The following CRIM1 variants were observed in gnomAD, a reference collection of about 807,000 sequenced individuals.
CRIM1 encodes cysteine-rich motor neuron 1 protein.
Under a neutral mutation model 116.4 loss-of-function variants are expected in CRIM1, and 32 were observed. The ratio of observed to expected loss-of-function variants is 0.27; its 90% confidence interval spans 0.21 to 0.37. The LOEUF is 0.37. Among genes scored for constraint, CRIM1 ranks in the 10% least tolerant of loss-of-function variants. CRIM1 has a pLI of 1.00. For synonymous variants in CRIM1, 590 were observed against 509.2 expected, an observed-to-expected ratio of 1.16 and a Z score of -2.13; for missense variants, 1,331 against 1,354.8, an observed-to-expected ratio of 0.98 and a Z score of 0.28.
chr2:36,479,152 C>G (rs746653657), intron 6 of CRIM1, among the ~76,000 whole-genome samples: 3 of 152,224 alleles, frequency 2.0e-5, no homozygotes, highest in Non-Finnish European at 2.9e-5. Context: ...ACTGCGAAGA[C>G]ATTGTCAGAG....
intron 1 of CRIM1, among the ~76,000 whole-genome samples, chr2:36,366,410 GA>G (rs147527027): frequency 1.3e-5 from 2 of 149,898 alleles, no homozygotes; most frequent in Non-Finnish European, 1.5e-5. Flanking sequence ...GAATATTTAA[GA>G]AAAAAAAATA....
rs200655489 is a variant in CRIM1 at position 36,374,287 on chromosome 2, A to G, written c.331+17664A>G. ...CCCTCTTTGTAGTTTTATTTCTTCA[A>G]TGTATTCCCCATCACTAGCTGTGTG... On this transcript the variant is annotated intron_variant, in intron 1 of 16. Coordinates refer to ENST00000280527, the MANE Select transcript of CRIM1 (RefSeq NM_016441.3). 5.8e-4 allele frequency among the ~76,000 whole-genome samples: 89 copies of G among 152,314 alleles called. 1 individual carries two copies. Among genetic ancestry groups the G allele is most frequent in the Admixed American group, 4.8e-3 (74 of 15,286 alleles).
intron 2 of CRIM1, among the ~76,000 whole-genome samples, chr2:36,399,438 T>C (rs749805696): frequency 6.6e-6 from 1 of 152,122 alleles, no homozygotes; most frequent in Non-Finnish European, 1.5e-5. Flanking sequence ...GAGATGGATA[T>C]GCACCATTTT....
At chr2:36,359,740 T>C (rs1463900262) in intron 1 of CRIM1, among the ~76,000 whole-genome samples, 1 of 152,208 alleles carries the variant, frequency 6.6e-6, no homozygotes, top group Non-Finnish European at 1.5e-5. Context: ...ATTCCTTTTG[T>C]GGTGGGGGCT....
At chr2:36,501,494 G>A (rs535294488) in intron 8 of CRIM1, among the ~76,000 whole-genome samples, 1 of 152,162 alleles carries the variant, frequency 6.6e-6, no homozygotes, top group East Asian at 1.9e-4. Flanking sequence ...TAAGGTGGAT[G>A]GATTGCTTGA....
intron 4 of CRIM1, among the ~76,000 whole-genome samples, chr2:36,460,345 G>A (rs1196627850): frequency 6.6e-6 from 1 of 152,194 alleles, no homozygotes; most frequent in Admixed American, 6.5e-5. Context: ...AGTCCATAGA[G>A]ACAGAACATA....
At chr2:36,401,919 G>A (rs1473063990) in intron 2 of CRIM1, among the ~76,000 whole-genome samples, 2 of 152,126 alleles carry the variant, frequency 1.3e-5, no homozygotes, top group African/African-American at 2.4e-5. Context: ...TCCAAAGGGG[G>A]ACTTGGACTG....
chr2:36,423,237 A>G, intron 2 of CRIM1, among the ~76,000 whole-genome samples: 1 of 152,208 alleles, frequency 6.6e-6, no homozygotes, highest in East Asian at 1.9e-4. Context: ...GTAGTCCTAT[A>G]CTGGGGATCC....
chr2:36,385,272 C>A (rs368991786), intron 1 of CRIM1, among the ~76,000 whole-genome samples: 1 of 152,174 alleles, frequency 6.6e-6, no homozygotes. Context: ...AGGTAAAGTG[C>A]ATAGGAGTGC....
intron 13 of CRIM1, among the ~76,000 whole-genome samples, chr2:36,527,591 T>C (rs2125142546): frequency 6.6e-6 from 1 of 152,326 alleles, no homozygotes; most frequent in Admixed American, 6.5e-5. Context: ...ATACCTTATA[T>C]CAAGTCAATA....
chr2:36,533,440 A>AAAAC (rs1666257486), intron 13 of CRIM1, among the ~76,000 whole-genome samples: 2 of 151,862 alleles, frequency 1.3e-5, no homozygotes, highest in South Asian at 4.2e-4. Flanking sequence ...AAAAAAAAAA[A>AAAAC]AAACCCTAAA....
intron 13 of CRIM1, among the ~76,000 whole-genome samples, chr2:36,524,260 T>C (rs1202965439): frequency 1.3e-5 from 2 of 152,280 alleles, no homozygotes; most frequent in South Asian, 4.1e-4. Flanking sequence ...GCGAAAAATG[T>C]ATCAAGGCAT....
At chr2:36,538,542 A>G (rs1028569861) in intron 14 of CRIM1, among the ~76,000 whole-genome samples, 2 of 152,234 alleles carry the variant, frequency 1.3e-5, no homozygotes, top group African/African-American at 2.4e-5. Flanking sequence ...CATCTGTACT[A>G]TGCAGTTGTA....
chr2:36,503,910 A>T (rs1681193216), intron 8 of CRIM1, among the ~76,000 whole-genome samples: 1 of 151,542 alleles, frequency 6.6e-6, no homozygotes. Flanking sequence ...TTGCTTTGTT[A>T]CCCAGATTGG....
intron 4 of CRIM1, 126 bp downstream of exon 4, chr2:36,442,861 A>T: frequency 8.8e-7 from 1 of 1,136,400 alleles, no homozygotes; most frequent in Non-Finnish European, 1.3e-6. Context: ...GGAAGAAATC[A>T]CTGAACTGTT....
At chr2:36,419,928 G>T (rs1487397305) in intron 2 of CRIM1, among the ~76,000 whole-genome samples, 5 of 152,126 alleles carry the variant, frequency 3.3e-5, no homozygotes, top group African/African-American at 1.2e-4. Context: ...TGGCTTTAAG[G>T]CCCTGTGATG....
At chr2:36,538,087 G>A (rs991502189) in intron 14 of CRIM1, among the ~76,000 whole-genome samples, 5 of 151,928 alleles carry the variant, frequency 3.3e-5, no homozygotes, top group Admixed American at 1.3e-4. Flanking sequence ...CACACTTAAC[G>A]CAACCACTGA....
intron 2 of CRIM1, among the ~76,000 whole-genome samples, chr2:36,406,719 C>G (rs1409548511): frequency 6.6e-6 from 1 of 151,118 alleles, no homozygotes; most frequent in Non-Finnish European, 1.5e-5. Flanking sequence ...GGGCCATGCC[C>G]TCTTTGCTTC....
intron 13 of CRIM1, among the ~76,000 whole-genome samples, chr2:36,526,480 C>T (rs2125139781): frequency 6.6e-6 from 1 of 152,308 alleles, no homozygotes; most frequent in African/African-American, 2.4e-5. Flanking sequence ...CTTTCTCAAA[C>T]CTTGCCAGAG....
Sources: gnomAD v4.1 joint callset for allele counts (sites outside exome capture counted in the v4.1 genomes callset) on GRCh38, gnomAD v4.1.1 for gene constraint, MANE v1.5 for transcripts, NCBI Gene and HGNC (gene_info 2026-07-23, HGNC 2026-07-21) for gene names.